ITPRIP: variants seen among roughly 807,000 people sequenced by gnomAD.
ITPRIP encodes the protein inositol 1,4,5-trisphosphate receptor interacting protein.
Under a neutral mutation model 35.8 loss-of-function variants are expected in ITPRIP, and 32 were observed. The observed-to-expected ratio is 0.89, with a 90% confidence interval of 0.68 to 1.20. The LOEUF (loss-of-function observed/expected upper bound fraction) is 1.20, where lower values mean the gene tolerates loss of function less well. Ranked by LOEUF, ITPRIP falls within the 50% of genes most tolerant of loss-of-function variation. The pLI is 0.00. For missense variants in ITPRIP, 653 were observed against 735.6 expected, an observed-to-expected ratio of 0.89 and a Z score of 1.30; for synonymous variants, 358 against 324.0, an observed-to-expected ratio of 1.11 and a Z score of -1.13.
Position 104,315,710 on chromosome 10 carries a change from C to T in ITPRIP, c.342G>A (p.Glu114=), listed in dbSNP as rs559232500. Residue 114 remains glutamate (E), a synonymous_variant, in exon 2 of 2, where the codon GAG becomes GAA. Coordinates refer to ENST00000337478, the MANE Select transcript of ITPRIP (RefSeq NM_001272013.2). The surrounding 1 kb of genome is among the most constrained non-coding windows in gnomAD (Gnocchi z 5.7). The part of the protein sequence containing the change: ...RQDHQEGPSP[E]CLGGEEDELP... ...GCTCATCCTCCTCACCGCCCAGGCA[C>T]TCAGGTGAGGGCCCCTCCTGGTGGT... is the stretch of plus-strand genomic sequence containing the variant. 6.2e-7 allele frequency: 1 copy of T among 1,613,632 alleles called. No individual in the cohort carries two copies. The highest frequency in any genetic ancestry group is 8.5e-7 in the Non-Finnish European group (1 of 1,179,998).
At chr10:104,330,691 C>G (rs1466474251) in intron 1 of ITPRIP, among the ~76,000 whole-genome samples, 6 of 152,254 alleles carry the variant, frequency 3.9e-5, no homozygotes, top group Non-Finnish European at 7.3e-5. Flanking sequence ...ATTACAACCA[C>G]TGCATCCCAT....
chr10:104,311,583 C>A lies in ITPRIP; in HGVS notation c.*2825G>T, dbSNP rs2013490790. ...AGCCAGGCATGCAGAGGGGCTAGAG[C>A]TTTTGAGGATATAAGGCCCTTCCCC... On this transcript the variant is annotated 3_prime_UTR_variant, in exon 2 of 2. Transcript: ENST00000337478. The A allele has an allele frequency of 6.6e-6, 1 of 152,224 alleles. No individual in the cohort carries two copies. The highest frequency in any genetic ancestry group is 2.4e-5 in the African/African-American group (1 of 41,448). The allele number at this position is 152,224 out of a possible 1,614,324, so 9.4% of individuals were successfully genotyped here.
Position 104,313,753 on chromosome 10 carries a change from T to G in ITPRIP, c.*655A>C. On this transcript the variant is annotated 3_prime_UTR_variant, in exon 2 of 2. Coordinates refer to ENST00000337478, the MANE Select transcript of ITPRIP (RefSeq NM_001272013.2). ...GAAGTGTAGCTGAAAAAGTGGCTAA[T>G]TGTGTTTCTCTATGCCACCAAGTAC... The G allele has an allele frequency of 2.0e-6, 2 of 985,476 alleles. No individual in the cohort carries two copies. The highest frequency in any genetic ancestry group is 2.4e-6 in the Non-Finnish European group (2 of 829,994). 61.0% of individuals were successfully genotyped at this position (985,476 alleles called of 1,614,324 possible). A position where few individuals can be genotyped will look rare whatever the true frequency, so the allele number is the denominator to read the frequency against.
chr10:104,336,992 A>C (rs1052607998), intron 1 of ITPRIP, among the ~76,000 whole-genome samples: 1 of 152,234 alleles, frequency 6.6e-6, no homozygotes, highest in Non-Finnish European at 1.5e-5. Flanking sequence ...GGTTACCCAC[A>C]AGTGGAGAAA....
chr10:104,315,186 G>A lies in ITPRIP; in HGVS notation c.866C>T (p.Ala289Val), dbSNP rs1298755058. 6.2e-6 allele frequency: 10 copies of A among 1,614,018 alleles called. No individual in the cohort carries two copies. The highest frequency in any genetic ancestry group is 1.6e-4 in the Middle Eastern group (1 of 6,082). Residue 289 changes from alanine to valine, a missense_variant, in exon 2 of 2, where the codon GCC (alanine) becomes GTC (valine). Ala to Val is a moderately conservative substitution (Grantham distance 64). Transcript: ENST00000337478. This position sits in a 1 kb window ranked among gnomAD's most constrained non-coding sequence, Gnocchi z 5.7. Reference protein sequence around the residue: ...PCGDMENLLCATDSLYLDTMQ... With the variant: ...PCGDMENLLCVTDSLYLDTMQ... ...CGTGTCCAGGTACAGGGAATCTGTG[G>A]CACACAGCAGGTTCTCCATGTCGCC...
Position 104,316,183 on chromosome 10 carries a change from CAT to C in ITPRIP, c.-13-121_-13-120del, listed in dbSNP as rs2013682368. ...AAGGTCTTAGTTCTCCCACCCAACC[CAT>C]CGAGAGCTCCCTGCGGCTGCCTCAG... On this transcript the variant is annotated intron_variant, in intron 1 of 1. Transcript: ENST00000337478. The C allele has an allele frequency of 4.8e-6, 4 of 836,262 alleles. No individual in the cohort carries two copies. In the South Asian group the frequency reaches 7.5e-5, roughly 16 times the overall value. 51.8% of individuals were successfully genotyped at this position (836,262 alleles called of 1,614,324 possible). A position where few individuals can be genotyped will look rare whatever the true frequency, so the allele number is the denominator to read the frequency against.
rs546464167 is a variant in ITPRIP at position 104,310,481 on chromosome 10, G to A, written c.*3927C>T. 5 of 152,144 alleles carry A rather than the reference G, an allele frequency of 3.3e-5. No individual in the cohort carries two copies. The South Asian group carries it at 1.0e-3, about 32-fold the overall frequency. The allele number at this position is 152,144 out of a possible 1,614,324, so 9.4% of individuals were successfully genotyped here. ...TTATCTTTTCAACCTCATTTGCTAC[G>A]ACTTCTCAGTATATGCCAACATGTA... is the stretch of plus-strand genomic sequence containing the variant. On this transcript the variant is annotated 3_prime_UTR_variant, in exon 2 of 2. Coordinates refer to ENST00000337478, the MANE Select transcript of ITPRIP (RefSeq NM_001272013.2).
At position 104,315,916 on chromosome 10, in the gene ITPRIP, C is replaced by A; in HGVS notation, c.136G>T (p.Glu46Ter). The change falls in exon 2 of 2, where the codon GAG (glutamate) becomes TAG (stop). Residue 46 changes from glutamate to a stop codon, truncating the protein, a stop_gained. Transcript: ENST00000337478. LOFTEE classifies it high-confidence loss of function. The surrounding 1 kb of genome is among the most constrained non-coding windows in gnomAD (Gnocchi z 5.7). ...EIIRKMQAHQEKLQLEQLRLE... is the reference protein window; with the variant it reads ...EIIRKMQAHQ ...CGCAACTGCTCCAGCTGCAGCTTCTCCTGGTGCGCCTGCATCTTGCGGATG... is the reference window on the plus strand; with the variant it reads ...CGCAACTGCTCCAGCTGCAGCTTCTACTGGTGCGCCTGCATCTTGCGGATG... The A allele has an allele frequency of 6.2e-7, 1 of 1,614,004 alleles. No homozygotes were observed. The highest frequency in any genetic ancestry group is 8.5e-7 in the Non-Finnish European group (1 of 1,180,012).
At position 104,309,968 on chromosome 10, in the gene ITPRIP, G is replaced by A. The variant is rs1238517217; in HGVS notation, c.*4440C>T. ...CTAGTTAAACAAGCAAGCTATTTTT[G>A]GATGGCAATGAGAAAAGTTAACTCT... On this transcript the variant is annotated 3_prime_UTR_variant, in exon 2 of 2. Coordinates refer to ENST00000337478, the MANE Select transcript of ITPRIP (RefSeq NM_001272013.2). 1 of 152,086 alleles carries A rather than the reference G, an allele frequency of 6.6e-6. No homozygotes were observed. Among genetic ancestry groups the A allele is most frequent in the South Asian group, 2.1e-4 (1 of 4,832 alleles). The allele number at this position is 152,086 out of a possible 1,614,324, so 9.4% of individuals were successfully genotyped here.
intron 1 of ITPRIP, among the ~76,000 whole-genome samples, chr10:104,329,315 G>T (rs1564866584): frequency 6.6e-6 from 1 of 152,094 alleles, no homozygotes; most frequent in Non-Finnish European, 1.5e-5. Flanking sequence ...GGAGAGCAGA[G>T]GGCCCACATG....
At position 104,326,832 on chromosome 10, in the gene ITPRIP, A is replaced by C. The variant is rs1385850777; in HGVS notation, c.-13-10768T>G. 6.6e-6 allele frequency: 1 copy of C among 152,302 alleles called. No individual in the cohort carries two copies. The highest frequency in any genetic ancestry group is 2.4e-5 in the African/African-American group (1 of 41,422). The allele number at this position is 152,302 out of a possible 1,614,324, so 9.4% of individuals were successfully genotyped here. On this transcript the variant is annotated intron_variant, in intron 1 of 1. Transcript: ENST00000337478. The surrounding 1 kb of genome is among the most constrained non-coding windows in gnomAD (Gnocchi z 4.8). ...AAAAGAGAGAGACAGAGGAGAGGTG[A>C]GGGGAGACGGAGGCCAGGATGGGAG...
chr10:104,316,001 G>T lies in ITPRIP; in HGVS notation c.51C>A (p.Ile17=), dbSNP rs1296993846. 5 of 1,609,114 alleles carry T rather than the reference G, an allele frequency of 3.1e-6. No individual in the cohort carries two copies. The highest frequency in any genetic ancestry group is 1.3e-5 in the African/African-American group (1 of 74,772). The part of the protein sequence containing the change: ...RVCLVVVTAI[I]NHPLLFPREN... ...CCCGCGGGAACAGCAGCGGGTGGTT[G>T]ATGATGGCCGTCACCACCACCAGAC... Residue 17 remains isoleucine (I), a synonymous_variant, in exon 2 of 2, where the codon ATC becomes ATA. Coordinates refer to ENST00000337478, the MANE Select transcript of ITPRIP (RefSeq NM_001272013.2).
chr10:104,321,344 C>T (rs1430936192), intron 1 of ITPRIP, among the ~76,000 whole-genome samples: 1 of 152,180 alleles, frequency 6.6e-6, no homozygotes, highest in African/African-American at 2.4e-5. Flanking sequence ...ATGCAGTTCA[C>T]AGCTAAACTT....
At chr10:104,324,854 C>T (rs1197888667) in intron 1 of ITPRIP, among the ~76,000 whole-genome samples, 2 of 152,198 alleles carry the variant, frequency 1.3e-5, no homozygotes, top group Non-Finnish European at 2.9e-5. Flanking sequence ...AGAAAAGCCA[C>T]TAATCTGGAC....
intron 1 of ITPRIP, among the ~76,000 whole-genome samples, chr10:104,335,584 T>C (rs2014219413): frequency 1.3e-5 from 2 of 152,204 alleles, no homozygotes. Context: ...CCATCAGCCA[T>C]CAAGGCCCGG....
Position 104,314,645 on chromosome 10 carries a change from C to G in ITPRIP, c.1407G>C (p.Leu469Phe). 6.2e-7 allele frequency: 1 copy of G among 1,614,056 alleles called. No individual in the cohort carries two copies. Among genetic ancestry groups the G allele is most frequent in the South Asian group, 1.1e-5 (1 of 91,090 alleles). ...HELLCFLEKS[L>F]LQKKLHHFFI... ...AGAAGTGGTGGAGCTTCTTCTGGAG[C>G]AAGCTCTTCTCCAGGAAGCACAGCA... The change falls in exon 2 of 2, where the codon TTG (leucine) becomes TTC (phenylalanine). Residue 469 changes from leucine to phenylalanine, a missense_variant. Physicochemically the swap from Leu to Phe is conservative, Grantham distance 22 (BLOSUM62 0). Transcript: ENST00000337478.
At position 104,314,132 on chromosome 10, in the gene ITPRIP, T is replaced by G; in HGVS notation, c.*276A>C. On this transcript the variant is annotated 3_prime_UTR_variant, in exon 2 of 2. Coordinates refer to ENST00000337478, the MANE Select transcript of ITPRIP (RefSeq NM_001272013.2). ...TCCACAGCGTGTTCTGCCACCATCT[T>G]GGCCATTCATGGTGATCCAGAAGTA... The G allele has an allele frequency of 8.1e-7, 1 of 1,230,670 alleles. No individual in the cohort carries two copies. The highest frequency in any genetic ancestry group is 1.0e-6 in the Non-Finnish European group (1 of 982,130). 76.2% of individuals were successfully genotyped at this position (1,230,670 alleles called of 1,614,324 possible).
chr10:104,330,896 C>A (rs2014134516), intron 1 of ITPRIP, among the ~76,000 whole-genome samples: 1 of 152,218 alleles, frequency 6.6e-6, no homozygotes, highest in African/African-American at 2.4e-5. Flanking sequence ...TCCCATGAAG[C>A]CACGAGCTGT....
rs2013660828 is a variant in ITPRIP, at chr10:104,315,829, C to T, written c.223G>A (p.Glu75Lys). 5 of 1,612,996 alleles carry T rather than the reference C, an allele frequency of 3.1e-6. No homozygotes were observed. The highest frequency in any genetic ancestry group is 3.4e-6 in the Non-Finnish European group (4 of 1,179,326). Residue 75 changes from glutamate to lysine, a missense_variant, in exon 2 of 2, where the codon GAG becomes AAG. Glu to Lys is a moderately conservative substitution (Grantham distance 56). Coordinates refer to ENST00000337478, the MANE Select transcript of ITPRIP (RefSeq NM_001272013.2). This position sits in a 1 kb window ranked among gnomAD's most constrained non-coding sequence, Gnocchi z 5.7. ...CGTGTCTCGTTCTGCTGCCTGCCCT[C>T]CTCCGCCACCTGCTCCAGTGCCTCC... ...EKEALEQVAE[E>K]GRQQNETRVA...
Sources: gnomAD v4.1 joint callset for allele counts (sites outside exome capture counted in the v4.1 genomes callset) on GRCh38, gnomAD v4.1.1 for gene constraint, Gnocchi (gnomAD v3.1) non-coding constraint, MANE v1.5 for transcripts, NCBI Gene and HGNC (gene_info 2026-07-23, HGNC 2026-07-21) for gene names.